GNA12: variants seen among roughly 807,000 people sequenced by gnomAD.
The protein encoded by GNA12 is guanine nucleotide-binding protein subunit alpha-12.
In GNA12, 9 loss-of-function variants were observed where a neutral mutation model predicts 26.0. The observed-to-expected ratio is 0.35, with a 90% CI of 0.21 to 0.60. GNA12 has a LOEUF of 0.60. Ranked by LOEUF, GNA12 falls within the 20% of genes least tolerant of loss-of-function variation. GNA12 has a pLI of 0.78. For synonymous variants in GNA12, 264 were observed against 219.6 expected, an observed-to-expected ratio of 1.20 and a Z score of -1.79; for missense variants, 405 against 525.8, an observed-to-expected ratio of 0.77 and a Z score of 2.25.
intron 2 of GNA12, among the ~76,000 whole-genome samples, chr7:2,792,913 C>T (rs1792556577): frequency 6.6e-6 from 1 of 152,294 alleles, no homozygotes; most frequent in South Asian, 2.1e-4. Context: ...TATGTGTTAA[C>T]AACACAGAGA....
intron 2 of GNA12, among the ~76,000 whole-genome samples, chr7:2,740,630 A>G (rs1187211980): frequency 6.6e-6 from 1 of 152,236 alleles, no homozygotes; most frequent in African/African-American, 2.4e-5. Flanking sequence ...AGAGGCAAAG[A>G]TGGTGAAATG....
chr7:2,818,945 A>G (rs1023089414), intron 1 of GNA12, among the ~76,000 whole-genome samples: 2 of 152,138 alleles, frequency 1.3e-5, no homozygotes, highest in African/African-American at 2.4e-5. Flanking sequence ...GCAGAATTCT[A>G]AAGATGGCCG....
intron 2 of GNA12, among the ~76,000 whole-genome samples, chr7:2,780,058 A>G (rs1169976679): frequency 0.012 from 569 of 46,712 alleles, 4 homozygotes; most frequent in South Asian, 0.024. Flanking sequence ...GTACATATAT[A>G]TATATATATA....
chr7:2,778,840 C>T (rs1042517680), intron 2 of GNA12, among the ~76,000 whole-genome samples: 4 of 152,164 alleles, frequency 2.6e-5, no homozygotes, highest in African/African-American at 9.7e-5. Context: ...CTGGGCTTTA[C>T]TCAGTTCTTG....
chr7:2,823,378 G>A lies in GNA12; in HGVS notation c.309+20475C>T, dbSNP rs1026807422. 3.3e-5 allele frequency among the ~76,000 whole-genome samples: 5 copies of A among 152,336 alleles called. No homozygotes were observed. In the East Asian group the frequency reaches 9.6e-4, roughly 29 times the overall value. ...TTCTGACACTCCAACTTCAACCGCA[G>A]CCCCAATTCAGGACTTTGACGGCAT... On this transcript the variant is annotated intron_variant, in intron 1 of 3. Coordinates refer to ENST00000275364, the MANE Select transcript of GNA12 (RefSeq NM_007353.3).
At chr7:2,766,360 A>G (rs578217115) in intron 2 of GNA12, among the ~76,000 whole-genome samples, 26 of 147,722 alleles carry the variant, frequency 1.8e-4, no homozygotes, top group African/African-American at 6.5e-4. Flanking sequence ...CTGTTCATCC[A>G]TTGATGAACA....
At chr7:2,813,889 G>A (rs1389645744) in intron 1 of GNA12, among the ~76,000 whole-genome samples, 4 of 152,142 alleles carry the variant, frequency 2.6e-5, no homozygotes, top group Non-Finnish European at 1.5e-5. Context: ...ATTAGGATTA[G>A]GACAGTGGGT....
rs1254072483 is a variant in GNA12, at chr7:2,816,406, T to C, written c.310-21263A>G. Among the ~76,000 whole-genome samples, 4 of 152,206 alleles carry C rather than the reference T, an allele frequency of 2.6e-5. No homozygotes were observed. The South Asian group carries it at 8.3e-4, about 32-fold the overall frequency. Reference sequence around the variant, plus strand: ...CCACTATGCCCAGCTAATTTTTGTATTTTTTAGTAGAGATGGGTTTCACCA... The same window carrying C: ...CCACTATGCCCAGCTAATTTTTGTACTTTTTAGTAGAGATGGGTTTCACCA... On this transcript the variant is annotated intron_variant, in intron 1 of 3. Transcript: ENST00000275364.
At chr7:2,802,728 C>G (rs1242784838) in intron 1 of GNA12, among the ~76,000 whole-genome samples, 1 of 152,164 alleles carries the variant, frequency 6.6e-6, no homozygotes, top group African/African-American at 2.4e-5. Context: ...CTTTGGCCAC[C>G]ATCCAAATAA....
chr7:2,767,901 C>G (rs1351194465), intron 2 of GNA12, among the ~76,000 whole-genome samples: 1 of 152,232 alleles, frequency 6.6e-6, no homozygotes, highest in African/African-American at 2.4e-5. Flanking sequence ...GTCACCCGGG[C>G]TGGAGTGCAG....
At chr7:2,759,975 G>C (rs1267134502) in intron 2 of GNA12, among the ~76,000 whole-genome samples, 1 of 152,208 alleles carries the variant, frequency 6.6e-6, no homozygotes, top group Non-Finnish European at 1.5e-5. Flanking sequence ...CAGTGGCTTT[G>C]TCACATGACC....
At chr7:2,771,296 A>AAAAAAACC (rs1011774039) in intron 2 of GNA12, among the ~76,000 whole-genome samples, 8 of 152,144 alleles carry the variant, frequency 5.3e-5, no homozygotes, top group African/African-American at 9.7e-5. Flanking sequence ...CTGCCACTCA[A>AAAAAAACC]AAAAAACCAA....
At chr7:2,756,690 C>T (rs970925125) in intron 2 of GNA12, among the ~76,000 whole-genome samples, 10 of 152,210 alleles carry the variant, frequency 6.6e-5, no homozygotes, top group Non-Finnish European at 1.3e-4. Flanking sequence ...TGTCAGAATT[C>T]TAAGATGAGC....
chr7:2,804,460 C>G (rs937910538), intron 1 of GNA12, among the ~76,000 whole-genome samples: 1 of 152,208 alleles, frequency 6.6e-6, no homozygotes, highest in Non-Finnish European at 1.5e-5. Context: ...CTGGGCCAGA[C>G]TCTTGTAGAT....
chr7:2,743,856 C>A (rs902643917), intron 2 of GNA12, among the ~76,000 whole-genome samples: 1 of 152,044 alleles, frequency 6.6e-6, no homozygotes, highest in Non-Finnish European at 1.5e-5. Flanking sequence ...GCTTAAAAAA[C>A]GGCACACCAG....
intron 2 of GNA12, among the ~76,000 whole-genome samples, chr7:2,769,642 A>C (rs2115418855): frequency 6.6e-6 from 1 of 152,286 alleles, no homozygotes; most frequent in South Asian, 2.1e-4. Flanking sequence ...CTGAGGCAGG[A>C]CAATGGCACG....
At chr7:2,841,702 C>T (rs1483199271) in intron 1 of GNA12, among the ~76,000 whole-genome samples, 1 of 152,186 alleles carries the variant, frequency 6.6e-6, no homozygotes, top group Admixed American at 6.5e-5. Flanking sequence ...GAATACTGGC[C>T]TGGAAGTCTG....
rs117068950 is a variant in GNA12 at position 2,803,302 on chromosome 7, G to C, written c.310-8159C>G. ...GCCTCGCTCACAGACAGGCTGTGGA[G>C]AGCTAAGAAGTCTGTGTGAGAAAGG... is the stretch of plus-strand genomic sequence containing the variant. On this transcript the variant is annotated intron_variant, in intron 1 of 3. Transcript: ENST00000275364. 9.4e-3 allele frequency among the ~76,000 whole-genome samples: 1,436 copies of C among 152,338 alleles called. 26 individuals carry two copies. Among genetic ancestry groups the C allele is most frequent in the Non-Finnish European group, 0.011 (749 of 68,032 alleles).
chr7:2,735,473 G>A (rs954178267), intron 2 of GNA12, among the ~76,000 whole-genome samples: 1 of 152,172 alleles, frequency 6.6e-6, no homozygotes, highest in African/African-American at 2.4e-5. Flanking sequence ...GCTCCGCCCA[G>A]ATAGTACGGA....
Sources: allele counts gnomAD v4.1 joint callset (sites outside exome capture counted in the v4.1 genomes callset), GRCh38; gene constraint gnomAD v4.1.1; transcripts MANE v1.5; gene names NCBI Gene and HGNC (gene_info 2026-07-23, HGNC 2026-07-21).